The following NEDD4 variants were observed in gnomAD, a reference collection of about 807,000 sequenced individuals.
The protein encoded by NEDD4 is E3 ubiquitin-protein ligase NEDD4.
Under a neutral mutation model 144.9 loss-of-function variants are expected in NEDD4, and 99 were observed. That is an observed-to-expected ratio of 0.68 (90% CI 0.58 to 0.81). NEDD4 has a LOEUF of 0.81. Ranked by LOEUF, NEDD4 falls within the 30% of genes least tolerant of loss-of-function variation. The pLI is 0.00. For synonymous variants in NEDD4, 318 were observed against 350.6 expected (o/e 0.91, Z 1.04); for missense variants, 985 against 1,065.9 (o/e 0.92, Z 1.06).
intron 1 of NEDD4, among the ~76,000 whole-genome samples, chr15:55,981,186 G>A (rs962493518): frequency 3.3e-5 from 5 of 151,880 alleles, no homozygotes; most frequent in African/African-American, 7.3e-5. Flanking sequence ...GAGACTACAG[G>A]TGCCCACCAC....
chr15:55,852,606 A>C, intron 12 of NEDD4, 63 bp from the exon 13 acceptor site: 1 of 1,518,986 alleles, frequency 6.6e-7, no homozygotes, highest in South Asian at 1.2e-5. Flanking sequence ...TATCACCCCC[A>C]AAAGTTCCCT....
chr15:55,950,112 C>G (rs987622405), intron 4 of NEDD4, among the ~76,000 whole-genome samples: 5 of 152,140 alleles, frequency 3.3e-5, no homozygotes, highest in African/African-American at 9.7e-5. Context: ...CAGACATTAT[C>G]AAGTCTGGAA....
At chr15:55,851,553 C>G (rs560836608) in intron 13 of NEDD4, among the ~76,000 whole-genome samples, 3 of 151,814 alleles carry the variant, frequency 2.0e-5, no homozygotes, top group Admixed American at 2.0e-4. Flanking sequence ...CTTGGCTCAC[C>G]GCAACCTCCG....
chr15:55,970,509 A>T (rs1595882483), intron 1 of NEDD4, among the ~76,000 whole-genome samples: 2 of 152,324 alleles, frequency 1.3e-5, no homozygotes, highest in African/African-American at 4.8e-5. Flanking sequence ...AGTCCCAGTG[A>T]TGGTGGCCAC....
intron 4 of NEDD4, among the ~76,000 whole-genome samples, chr15:55,944,781 G>C (rs887286956): frequency 6.6e-6 from 1 of 152,164 alleles, no homozygotes. Flanking sequence ...CTGGGACAAA[G>C]CTTCCAGAGG....
intron 1 of NEDD4, among the ~76,000 whole-genome samples, chr15:55,986,951 T>C (rs2037906015): frequency 6.6e-6 from 1 of 152,012 alleles, no homozygotes; most frequent in Non-Finnish European, 1.5e-5. Flanking sequence ...TGTGTCTTTA[T>C]AGCAGCATGA....
intron 4 of NEDD4, among the ~76,000 whole-genome samples, chr15:55,946,644 G>A (rs2037120651): frequency 1.3e-5 from 2 of 152,170 alleles, no homozygotes; most frequent in African/African-American, 4.8e-5. Context: ...ACTCAGCTCT[G>A]CACCAAGTGG....
At chr15:55,870,127 G>A (rs1250008354) in intron 7 of NEDD4, among the ~76,000 whole-genome samples, 2 of 152,184 alleles carry the variant, frequency 1.3e-5, no homozygotes, top group African/African-American at 2.4e-5. Context: ...TATAGGACAT[G>A]TAAAGGGGAC....
chr15:55,958,340 T>G (rs1381832998), intron 2 of NEDD4, among the ~76,000 whole-genome samples: 3 of 152,212 alleles, frequency 2.0e-5, no homozygotes, highest in Non-Finnish European at 2.9e-5. Flanking sequence ...AATTAATTTT[T>G]TTAATGTTGA....
chr15:55,987,791 G>A (rs1595891391), intron 1 of NEDD4: 2 of 87,840 alleles, frequency 2.3e-5, no homozygotes, highest in African/African-American at 9.6e-5. Context: ...GTAGATATGT[G>A]GCATTATTTC....
At position 55,838,170 on chromosome 15, in the gene NEDD4, T is replaced by C. The variant is rs542172834; in HGVS notation, c.2138A>G (p.His713Arg). ...DEELFGQTHQ[H>R]ELKNGGSEIV... ...TTCTGATCCACCATTTTTCAGCTCATGTTGATGTGTCTAAAATTAAACACA... is the reference window on the plus strand; with the variant it reads ...TTCTGATCCACCATTTTTCAGCTCACGTTGATGTGTCTAAAATTAAACACA... Residue 713 changes from histidine to arginine, a missense_variant, in exon 23 of 29, where the codon CAT becomes CGT. By Grantham distance (29) the His-to-Arg change is conservative. Coordinates refer to ENST00000435532, the MANE Select transcript of NEDD4 (RefSeq NM_006154.4). The C allele has an allele frequency of 5.6e-6, 9 of 1,595,644 alleles. No homozygotes were observed. The highest frequency in any genetic ancestry group is 2.3e-5 in the South Asian group (2 of 88,414).
chr15:55,923,873 T>C (rs2036616148), intron 5 of NEDD4, among the ~76,000 whole-genome samples: 1 of 151,924 alleles, frequency 6.6e-6, no homozygotes, highest in South Asian at 2.1e-4. Context: ...AGCTAAAAAA[T>C]GAACAAAACT....
At chr15:55,992,239 T>C (rs1234021482) in intron 1 of NEDD4, among the ~76,000 whole-genome samples, 1 of 152,242 alleles carries the variant, frequency 6.6e-6, no homozygotes, top group Non-Finnish European at 1.5e-5. Flanking sequence ...TGAGGGACTA[T>C]GAGCCGCCAC....
At chr15:55,851,421 G>C (rs1482365433) in intron 13 of NEDD4, among the ~76,000 whole-genome samples, 1 of 151,016 alleles carries the variant, frequency 6.6e-6, no homozygotes, top group East Asian at 1.9e-4. Flanking sequence ...TAAAATGAGT[G>C]TTCTCTCGTT....
At position 55,828,756 on chromosome 15, in the gene NEDD4, T is replaced by G. The variant is rs1164987556; in HGVS notation, c.*1141A>C. 1 of 152,660 alleles carries G rather than the reference T, an allele frequency of 6.6e-6. No individual in the cohort carries two copies. Among genetic ancestry groups the G allele is most frequent in the Non-Finnish European group, 1.5e-5 (1 of 68,032 alleles). 9.5% of individuals were successfully genotyped at this position (152,660 alleles called of 1,614,324 possible). Reference sequence around the variant, plus strand: ...GCCTACAGAATTCTGGATTTGTAATTAAAAACATTGTCTTCATAGTAAACA... The same window carrying G: ...GCCTACAGAATTCTGGATTTGTAATGAAAAACATTGTCTTCATAGTAAACA... On this transcript the variant is annotated 3_prime_UTR_variant, in exon 29 of 29. Transcript: ENST00000435532.
In NEDD4 at chr15:55,863,080, C is replaced by A; in HGVS notation, c.508-1G>T. On this transcript the variant is annotated splice_acceptor_variant, in intron 8 of 28. Transcript: ENST00000435532. LOFTEE classifies it high-confidence loss of function. ...GTTGGTCCAAAACAACCCAGCCAGG[C>A]TGAAAAACAGGATGGCAGCAATTAA... 6.4e-7 allele frequency: 1 copy of A among 1,558,242 alleles called. No homozygotes were observed.
intron 4 of NEDD4, among the ~76,000 whole-genome samples, chr15:55,926,673 C>T (rs1303080392): frequency 1.3e-5 from 2 of 151,880 alleles, no homozygotes; most frequent in African/African-American, 4.8e-5. Flanking sequence ...GGCTGAGGCA[C>T]GAGAATCGTT....
chr15:55,991,486 T>C (rs1237572305), intron 1 of NEDD4, among the ~76,000 whole-genome samples: 1 of 152,256 alleles, frequency 6.6e-6, no homozygotes, highest in East Asian at 1.9e-4. Flanking sequence ...CAATGCATGG[T>C]ACAGAGCAAA....
intron 8 of NEDD4, among the ~76,000 whole-genome samples, chr15:55,868,000 G>A (rs940142654): frequency 3.3e-5 from 5 of 149,436 alleles, no homozygotes; most frequent in East Asian, 3.9e-4. Context: ...AGGCTGCAGC[G>A]AGCTGAGATT....
Sources: allele counts gnomAD v4.1 joint callset (sites outside exome capture counted in the v4.1 genomes callset), GRCh38; gene constraint gnomAD v4.1.1; transcripts MANE v1.5; gene names NCBI Gene and HGNC (gene_info 2026-07-23, HGNC 2026-07-21).